Variants in DYM observed in about 807,000 individuals in gnomAD.
DYM encodes the protein dyggve-Melchior-Clausen syndrome protein.
A neutral mutation model predicts 93.1 loss-of-function variants in DYM; 78 were observed. The observed-to-expected ratio is 0.84, with a 90% CI of 0.70 to 1.01. DYM has a LOEUF of 1.01. Among genes scored for constraint, DYM ranks in the 50% least tolerant of loss-of-function variants. DYM has a pLI of 0.00. For missense variants in DYM, 789 were observed against 845.0 expected, an observed-to-expected ratio of 0.93 and a Z score of 0.82; for synonymous variants, 321 against 319.7, an observed-to-expected ratio of 1.00 and a Z score of -0.04.
At position 49,165,781 on chromosome 18, in the gene DYM, C is replaced by T. The variant is rs943416804; in HGVS notation, c.1626-1994G>A. On this transcript the variant is annotated intron_variant, in intron 14 of 17. Transcript: ENST00000675505. Reference sequence around the variant, plus strand: ...CATGCTGAGGATATATCTGAACGAACGATTTCTTTGAAATGAAACACTTCT... The same window carrying T: ...CATGCTGAGGATATATCTGAACGAATGATTTCTTTGAAATGAAACACTTCT... Among the ~76,000 whole-genome samples, 8 of 152,118 alleles carry T rather than the reference C, an allele frequency of 5.3e-5. No homozygotes were observed. In the East Asian group the frequency reaches 7.7e-4, roughly 15 times the overall value.
intron 17 of DYM, among the ~76,000 whole-genome samples, chr18:49,062,319 C>G (rs774633869): frequency 3.3e-5 from 5 of 152,198 alleles, no homozygotes; most frequent in Non-Finnish European, 5.9e-5. Context: ...CTCACTGTCA[C>G]CAACGATTAA....
chr18:49,162,664 G>C (rs1006869840), intron 15 of DYM, among the ~76,000 whole-genome samples: 10 of 152,180 alleles, frequency 6.6e-5, no homozygotes, highest in African/African-American at 2.4e-4. Flanking sequence ...TCGTCATTAA[G>C]GTGGATGGAA....
At position 49,132,086 on chromosome 18, in the gene DYM, C is replaced by T. The variant is rs1032379449; in HGVS notation, c.1729-13160G>A. ...TTAATATGCTGTGCATTAGATTATA[C>T]CTAGGAAATATTTCTAATTTTGTTA... On this transcript the variant is annotated intron_variant, in intron 15 of 17. Transcript: ENST00000675505. 3.9e-5 allele frequency among the ~76,000 whole-genome samples: 6 copies of T among 151,934 alleles called. No homozygotes were observed. The South Asian group carries it at 1.2e-3, about 32-fold the overall frequency.
intron 14 of DYM, among the ~76,000 whole-genome samples, chr18:49,199,327 T>C (rs1436220371): frequency 6.6e-6 from 1 of 152,216 alleles, no homozygotes; most frequent in Non-Finnish European, 1.5e-5. Flanking sequence ...TGTATACATA[T>C]GTAACAAACC....
At chr18:49,409,678 C>T (rs1031397040) in intron 2 of DYM, among the ~76,000 whole-genome samples, 7 of 152,150 alleles carry the variant, frequency 4.6e-5, no homozygotes, top group African/African-American at 1.4e-4. Context: ...TCATATGAAG[C>T]CTGTAGTTCA....
intron 17 of DYM, among the ~76,000 whole-genome samples, chr18:49,056,845 C>A (rs2075537769): frequency 6.6e-6 from 1 of 152,226 alleles, no homozygotes; most frequent in Non-Finnish European, 1.5e-5. Context: ...CCGCGCCCGG[C>A]CACACCTGGG....
intron 17 of DYM, among the ~76,000 whole-genome samples, chr18:49,071,033 A>G (rs1383899458): frequency 6.6e-6 from 1 of 152,198 alleles, no homozygotes; most frequent in Admixed American, 6.5e-5. Flanking sequence ...TAAAGGACAA[A>G]AATAATCACT....
intron 2 of DYM, among the ~76,000 whole-genome samples, chr18:49,425,553 T>C (rs2074192348): frequency 6.6e-6 from 1 of 151,976 alleles, no homozygotes; most frequent in Admixed American, 6.6e-5. Context: ...TGGGATCTAA[T>C]TCAACTAAAG....
chr18:49,333,210 C>T (rs1030239376), intron 7 of DYM, among the ~76,000 whole-genome samples: 2 of 152,164 alleles, frequency 1.3e-5, no homozygotes, highest in Admixed American at 6.5e-5. Flanking sequence ...TCTAGGAGAT[C>T]GTAAGCTTCT....
At chr18:49,324,103 C>A (rs939995733) in intron 8 of DYM, among the ~76,000 whole-genome samples, 5 of 123,222 alleles carry the variant, frequency 4.1e-5, no homozygotes, top group Non-Finnish European at 6.4e-5. Context: ...TCACTGCACT[C>A]CAGCCTGAGT....
At chr18:49,232,306 CTTTT>C (rs937503109) in intron 13 of DYM, among the ~76,000 whole-genome samples, 1 of 142,078 alleles carries the variant, frequency 7.0e-6, no homozygotes, top group African/African-American at 2.5e-5. Flanking sequence ...TTGATTTTTT[CTTTT>C]TTTTTTTTCT....
At chr18:49,265,521 G>A (rs992957443) in intron 11 of DYM, among the ~76,000 whole-genome samples, 11 of 152,180 alleles carry the variant, frequency 7.2e-5, no homozygotes, top group African/African-American at 2.7e-4. Flanking sequence ...GCTCACGCCT[G>A]TAATCCCAGC....
At chr18:49,321,922 T>C (rs1016276039) in intron 8 of DYM, among the ~76,000 whole-genome samples, 2 of 152,140 alleles carry the variant, frequency 1.3e-5, no homozygotes, top group Non-Finnish European at 2.9e-5. Flanking sequence ...CTGTTTCTGA[T>C]TGCCACATAC....
chr18:49,164,806 T>G (rs2145105500), intron 14 of DYM, among the ~76,000 whole-genome samples: 1 of 152,270 alleles, frequency 6.6e-6, no homozygotes, highest in East Asian at 1.9e-4. Flanking sequence ...ACATGAACAT[T>G]TAGTTGAATG....
intron 17 of DYM, among the ~76,000 whole-genome samples, chr18:49,057,631 G>C (rs980633432): frequency 6.6e-6 from 1 of 152,204 alleles, no homozygotes; most frequent in South Asian, 2.1e-4. Flanking sequence ...CCTCAGCCTA[G>C]ACAGGCTGGA....
At chr18:49,061,284 G>A (rs1787200) in intron 17 of DYM, among the ~76,000 whole-genome samples, 108,389 of 151,960 alleles carry the variant, frequency 0.71, 42,408 homozygotes, top group Non-Finnish European at 0.88. Flanking sequence ...CACCTAGGTG[G>A]TCTGTAAACA....
At chr18:49,083,089 A>G (rs550471385) in intron 17 of DYM, among the ~76,000 whole-genome samples, 1 of 74,406 alleles carries the variant, frequency 1.3e-5, no homozygotes, top group Non-Finnish European at 4.5e-5. Context: ...TTGTGAGCCA[A>G]TATGATCTTT....
chr18:49,382,206 A>G (rs1269005859), intron 3 of DYM, among the ~76,000 whole-genome samples: 2 of 152,188 alleles, frequency 1.3e-5, no homozygotes, highest in East Asian at 3.9e-4. Context: ...ATGTAATTAA[A>G]GCGCCGTGTA....
intron 8 of DYM, 128 bp downstream of exon 8, chr18:49,331,736 C>T: frequency 9.8e-7 from 1 of 1,016,052 alleles, no homozygotes; most frequent in Non-Finnish European, 1.5e-6. Context: ...ACTTTGTTTT[C>T]ACATTGAACC....
Sources: gnomAD v4.1 joint callset for allele counts (sites outside exome capture counted in the v4.1 genomes callset) on GRCh38, gnomAD v4.1.1 for gene constraint, MANE v1.5 for transcripts, NCBI Gene and HGNC (gene_info 2026-07-23, HGNC 2026-07-21) for gene names.